Variants in PALLD observed in about 807,000 individuals in gnomAD.
The protein encoded by PALLD is palladin.
PALLD carries 61 observed loss-of-function variants against 123.5 expected under a neutral mutation model. The ratio of observed to expected loss-of-function variants is 0.49; its 90% CI spans 0.40 to 0.61. PALLD has a LOEUF of 0.61. Among genes scored for constraint, PALLD ranks in the 20% least tolerant of loss-of-function variants. The pLI is 0.00. For missense variants in PALLD, 1,273 were observed against 1,377.0 expected (o/e 0.92, Z 1.20); for synonymous variants, 465 against 496.4 (o/e 0.94, Z 0.84).
chr4:168,560,384 G>A (rs557647185), intron 2 of PALLD, among the ~76,000 whole-genome samples: 47 of 152,316 alleles, frequency 3.1e-4, no homozygotes, highest in Admixed American at 3.1e-3. Flanking sequence ...ACGCTGGAAA[G>A]CACTAGAACT....
intron 2 of PALLD, among the ~76,000 whole-genome samples, chr4:168,589,657 T>C (rs1771201843): frequency 6.6e-6 from 1 of 152,120 alleles, no homozygotes; most frequent in Non-Finnish European, 1.5e-5. Context: ...ATATTAAAGA[T>C]AGGAAAGAAA....
At chr4:168,507,913 G>C (rs1762163208) in intron 1 of PALLD, among the ~76,000 whole-genome samples, 1 of 152,058 alleles carries the variant, frequency 6.6e-6, no homozygotes, top group Non-Finnish European at 1.5e-5. Context: ...TGCTCTCTGG[G>C]ATCCAAGTCT....
intron 10 of PALLD, chr4:168,878,248 C>T: frequency 3.3e-6 from 5 of 1,523,006 alleles, no homozygotes; most frequent in Non-Finnish European, 4.4e-6. Context: ...CGCTCCCGAG[C>T]CCGGGACAGG....
chr4:168,789,752 A>G lies in PALLD; in HGVS notation c.1964+77829A>G, dbSNP rs202001462. On this transcript the variant is annotated intron_variant, in intron 10 of 21. Transcript: ENST00000505667. ...AGTAATGCTGATAACTTGAACACAA[A>G]CACTTTCGTATTTTCATTTCAGGTT... 8.5e-5 allele frequency among the ~76,000 whole-genome samples: 13 copies of G among 152,194 alleles called. No individual in the cohort carries two copies. In the East Asian group the frequency reaches 2.5e-3, roughly 29 times the overall value.
At chr4:168,697,946 A>G (rs1783300037) in intron 8 of PALLD, among the ~76,000 whole-genome samples, 1 of 152,206 alleles carries the variant, frequency 6.6e-6, no homozygotes, top group African/African-American at 2.4e-5. Flanking sequence ...TATTCACAAT[A>G]GTTAAGATTT....
intron 3 of PALLD, among the ~76,000 whole-genome samples, chr4:168,671,337 A>C (rs1231536933): frequency 6.6e-6 from 1 of 152,202 alleles, no homozygotes; most frequent in East Asian, 1.9e-4. Context: ...ATATGAGAAA[A>C]GTATCCCTCT....
chr4:168,704,256 AT>A (rs1230847589), intron 8 of PALLD, among the ~76,000 whole-genome samples: 3 of 152,092 alleles, frequency 2.0e-5, no homozygotes, highest in Non-Finnish European at 4.4e-5. Flanking sequence ...AGACTTAAAC[AT>A]TAGACCTAAA....
chr4:168,649,646 A>G (rs1580760776), intron 2 of PALLD, among the ~76,000 whole-genome samples: 2 of 152,328 alleles, frequency 1.3e-5, no homozygotes, highest in South Asian at 4.1e-4. Flanking sequence ...CAGAGGTTAG[A>G]TATGCATTAC....
chr4:168,575,091 TC>T (rs1217161543), intron 2 of PALLD, among the ~76,000 whole-genome samples: 1 of 152,120 alleles, frequency 6.6e-6, no homozygotes, highest in Non-Finnish European at 1.5e-5. Context: ...ACCAGCTGAA[TC>T]CCTTTGCCTT....
At chr4:168,653,083 A>G (rs1468047733) in intron 2 of PALLD, among the ~76,000 whole-genome samples, 1 of 152,192 alleles carries the variant, frequency 6.6e-6, no homozygotes, top group African/African-American at 2.4e-5. Context: ...ACCTCTGTCA[A>G]TTATTTCTTC....
intron 10 of PALLD, chr4:168,756,294 G>A: frequency 4.8e-6 from 1 of 209,110 alleles, no homozygotes; most frequent in Non-Finnish European, 1.0e-5. Context: ...CTTTGACTCA[G>A]CAAACCACAA....
intron 6 of PALLD, among the ~76,000 whole-genome samples, chr4:168,685,822 A>C (rs1284015135): frequency 6.6e-6 from 1 of 150,952 alleles, no homozygotes; most frequent in African/African-American, 2.4e-5. Context: ...AAAAAAAAAA[A>C]AAAAAAAAAA....
chr4:168,625,213 T>TA (rs752034080), intron 2 of PALLD, among the ~76,000 whole-genome samples: 11 of 150,068 alleles, frequency 7.3e-5, no homozygotes, highest in African/African-American at 9.8e-5. Context: ...GCACCCAAAC[T>TA]AAAAAAAAAT....
chr4:168,879,211 G>C (rs1752279073), intron 10 of PALLD, among the ~76,000 whole-genome samples: 1 of 152,280 alleles, frequency 6.6e-6, no homozygotes, highest in African/African-American at 2.4e-5. Context: ...CAGTGATGAT[G>C]TGGCAGCCCT....
chr4:168,559,670 G>C (rs1414499886), intron 2 of PALLD, among the ~76,000 whole-genome samples: 1 of 152,134 alleles, frequency 6.6e-6, no homozygotes, highest in East Asian at 1.9e-4. Flanking sequence ...GCCGAGGTGG[G>C]TGGATTGCTT....
chr4:168,513,869 T>C (rs757188428), intron 2 of PALLD, among the ~76,000 whole-genome samples: 37 of 152,210 alleles, frequency 2.4e-4, no homozygotes, highest in African/African-American at 6.7e-4. Flanking sequence ...CTTTGGGAGA[T>C]TGAGGTGGGT....
rs148615872 is a variant in PALLD, at chr4:168,511,587, C to T, written c.83C>T (p.Pro28Leu). Reference protein sequence around the residue: ...QEESKNTDFFPGLSAFLSQEE... With the variant: ...QEESKNTDFFLGLSAFLSQEE... ...GAAAGCAAGAATACTGACTTCTTCCCGGGCCTTTCTGCTTTCCTCAGCCAG... is the reference window on the plus strand; with the variant it reads ...GAAAGCAAGAATACTGACTTCTTCCTGGGCCTTTCTGCTTTCCTCAGCCAG... The change falls in exon 2 of 22, where the codon CCG becomes CTG. Residue 28 changes from proline to leucine, a missense_variant. Pro to Leu is a moderately conservative substitution (Grantham distance 98, BLOSUM62 -3). Around this residue, in one of 2 missense-constraint regions of PALLD, gnomAD observed 944 missense variants for 954.5 expected, o/e 0.99. Transcript: ENST00000505667. The T allele has an allele frequency of 4.5e-5, 73 of 1,613,870 alleles. No individual in the cohort carries two copies. The highest frequency in any genetic ancestry group is 3.3e-4 in the Admixed American group (20 of 60,022).
chr4:168,731,736 T>A (rs538274889), intron 10 of PALLD, among the ~76,000 whole-genome samples: 3 of 152,202 alleles, frequency 2.0e-5, no homozygotes, highest in Admixed American at 2.0e-4. Flanking sequence ...GAAAAAAAGA[T>A]AGAAAAATCA....
At chr4:168,715,708 T>C (rs1785282432) in intron 10 of PALLD, among the ~76,000 whole-genome samples, 1 of 152,170 alleles carries the variant, frequency 6.6e-6, no homozygotes, top group African/African-American at 2.4e-5. Flanking sequence ...CCCAGTACTT[T>C]GGAAGGCCAA....
Sources: gnomAD v4.1 joint callset for allele counts (sites outside exome capture counted in the v4.1 genomes callset) on GRCh38, gnomAD v4.1.1 for gene constraint, gnomAD v4.1.1 regional missense constraint, MANE v1.5 for transcripts, NCBI Gene and HGNC (gene_info 2026-07-23, HGNC 2026-07-21) for gene names.